SMAP2: variants seen among roughly 807,000 people sequenced by gnomAD.
SMAP2 encodes small ArfGAP2.
A neutral mutation model predicts 56.4 loss-of-function variants in SMAP2; 25 were observed. That is an observed-to-expected ratio of 0.44 (90% CI 0.32 to 0.62). The LOEUF is 0.62. Ranked by LOEUF, SMAP2 falls within the 20% of genes least tolerant of loss-of-function variation. The pLI is 0.04. For synonymous variants in SMAP2, 157 were observed against 181.7 expected (o/e 0.86, Z 1.09); for missense variants, 388 against 545.6 (o/e 0.71, Z 2.88).
intron 1 of SMAP2, chr1:40,375,828 C>CT: frequency 7.8e-6 from 1 of 129,010 alleles, no homozygotes. Flanking sequence ...TGACTAGAAC[C>CT]CCCCCCCCCA....
upstream of SMAP2, among the ~76,000 whole-genome samples, chr1:40,372,885 A>G (rs1348317417): frequency 1.3e-5 from 2 of 152,318 alleles, no homozygotes; most frequent in Admixed American, 6.5e-5. Flanking sequence ...CAGTGAATGA[A>G]TGAATGAATG....
At chr1:40,395,794 G>A (rs1421464489) in intron 1 of SMAP2, among the ~76,000 whole-genome samples, 1 of 152,270 alleles carries the variant, frequency 6.6e-6, no homozygotes, top group East Asian at 1.9e-4. Context: ...CTTTCTCCTA[G>A]TAGACCTCAG....
At chr1:40,417,213 A>G (rs375392145) in intron 9 of SMAP2, 117 bp downstream of exon 9, 1 of 685,774 alleles carries the variant, frequency 1.5e-6, no homozygotes, top group Non-Finnish European at 2.3e-6. Context: ...AATGTAAGAG[A>G]CATTGTTAGG....
At position 40,399,702 on chromosome 1, in the gene SMAP2, A is replaced by C. The variant is rs1480783607; in HGVS notation, c.104-7034A>C. Among the ~76,000 whole-genome samples the C allele has an allele frequency of 5.2e-4, 7 of 13,518 alleles. No individual in the cohort carries two copies. The South Asian group carries it at 0.011, about 21-fold the overall frequency. The allele number at this position is 13,518 out of a possible 152,430, so 8.9% of individuals were successfully genotyped here. A position where few individuals can be genotyped will look rare whatever the true frequency, so the allele number is the denominator to read the frequency against. ...GGGTGAGAGAGTAAGACCCTGTCTC[A>C]AAAAAAAAAAAAGAAAAGAAAAGAA... On this transcript the variant is annotated intron_variant, in intron 1 of 9. Coordinates refer to ENST00000372718, the MANE Select transcript of SMAP2 (RefSeq NM_022733.3).
intron 1 of SMAP2, among the ~76,000 whole-genome samples, chr1:40,381,460 T>G (rs989458863): frequency 2.0e-5 from 3 of 152,244 alleles, no homozygotes; most frequent in Admixed American, 6.5e-5. Flanking sequence ...AGGATAAGTA[T>G]GACTTTGCCA....
At position 40,414,207 on chromosome 1, in the gene SMAP2, T is replaced by C. The variant is rs1569918469; in HGVS notation, c.538T>C (p.Ser180Pro). 3 of 1,614,170 alleles carry C rather than the reference T, an allele frequency of 1.9e-6. No individual in the cohort carries two copies. Among genetic ancestry groups the C allele is most frequent in the Middle Eastern group, 1.7e-4 (1 of 6,060 alleles). ...PQLPRKSSPK[S>P]TAPVMDLLGL... Reference sequence around the variant, plus strand: ...GCTACCTCGGAAAAGCTCCCCGAAATCCACAGCGCCTGTCATGGATTTGTT... The same window carrying C: ...GCTACCTCGGAAAAGCTCCCCGAAACCCACAGCGCCTGTCATGGATTTGTT... The change falls in exon 6 of 10, where the codon TCC (serine) becomes CCC (proline). Residue 180 changes from serine to proline, a missense_variant. Ser to Pro is a moderately conservative substitution (Grantham distance 74, BLOSUM62 -1). Transcript: ENST00000372718.
chr1:40,421,651 G>A (rs1362266165), intron 9 of SMAP2, among the ~76,000 whole-genome samples: 1 of 152,112 alleles, frequency 6.6e-6, no homozygotes, highest in African/African-American at 2.4e-5. Flanking sequence ...GTTAACAATA[G>A]GCCCCTTCTA....
chr1:40,349,687 T>G (rs1644402568), intron 1 of SMAP2, among the ~76,000 whole-genome samples: 1 of 151,952 alleles, frequency 6.6e-6, no homozygotes, highest in South Asian at 2.1e-4. Flanking sequence ...TCCAGCTAAT[T>G]TTTTTGTATT....
chr1:40,389,229 T>C (rs2124266853), intron 1 of SMAP2, among the ~76,000 whole-genome samples: 1 of 152,344 alleles, frequency 6.6e-6, no homozygotes, highest in Middle Eastern at 3.4e-3. Flanking sequence ...ACAGTCCTCA[T>C]TCACTTAAAC....
intron 1 of SMAP2, among the ~76,000 whole-genome samples, chr1:40,350,977 A>G (rs1408217930): frequency 6.6e-6 from 1 of 152,138 alleles, no homozygotes; most frequent in Non-Finnish European, 1.5e-5. Flanking sequence ...CAGAGTGGAG[A>G]CTCTGAAGAC....
At chr1:40,356,631 C>T (rs772210945) in intron 1 of SMAP2, among the ~76,000 whole-genome samples, 17 of 152,112 alleles carry the variant, frequency 1.1e-4, no homozygotes, top group South Asian at 2.1e-4. Flanking sequence ...AGGATGGTTT[C>T]GATCTCCTAA....
At chr1:40,357,237 C>T (rs184407597) in intron 1 of SMAP2, among the ~76,000 whole-genome samples, 74 of 151,836 alleles carry the variant, frequency 4.9e-4, no homozygotes, top group African/African-American at 1.7e-3. Context: ...TTTGGATCAC[C>T]TGAGGTCAGG....
chr1:40,388,106 C>T (rs1440524842), intron 1 of SMAP2, among the ~76,000 whole-genome samples: 1 of 152,206 alleles, frequency 6.6e-6, no homozygotes, highest in Non-Finnish European at 1.5e-5. Flanking sequence ...GGGCTCGGGA[C>T]CTGCAGCCCG....
At chr1:40,420,141 A>G (rs753458293) in intron 9 of SMAP2, among the ~76,000 whole-genome samples, 1 of 152,164 alleles carries the variant, frequency 6.6e-6, no homozygotes, top group Non-Finnish European at 1.5e-5. Flanking sequence ...TTTTTTTCAA[A>G]GAACCAGGAT....
intron 1 of SMAP2, among the ~76,000 whole-genome samples, chr1:40,360,921 C>T (rs1305289208): frequency 6.6e-6 from 1 of 152,216 alleles, no homozygotes; most frequent in Non-Finnish European, 1.5e-5. Flanking sequence ...CAGTCAAGGC[C>T]ATGAGGACTG....
intron 5 of SMAP2, among the ~76,000 whole-genome samples, chr1:40,413,303 C>T (rs59679878): frequency 0.02 from 3,020 of 152,202 alleles, 92 homozygotes; most frequent in African/African-American, 0.069. Flanking sequence ...GTAAGGGCTT[C>T]GCTTTGGGGC....
chr1:40,352,331 G>T (rs1347148656), intron 1 of SMAP2, among the ~76,000 whole-genome samples: 1 of 151,912 alleles, frequency 6.6e-6, no homozygotes, highest in Admixed American at 6.6e-5. Flanking sequence ...CCTAATGCTT[G>T]CCACATGTAA....
At chr1:40,414,790 A>C (rs572348693) in intron 6 of SMAP2, among the ~76,000 whole-genome samples, 1 of 152,256 alleles carries the variant, frequency 6.6e-6, no homozygotes, top group South Asian at 2.1e-4. Context: ...ATTTTTCTCC[A>C]AACCTTTGAA....
In SMAP2 at chr1:40,374,736, G is replaced by A; in HGVS notation, c.103+513G>A. ...GGTGATTTTTGCTTCCTGCTATTTG[G>A]TTAGCAACTCCTGTCATTTTGCAGC... On this transcript the variant is annotated intron_variant, in intron 1 of 9. Transcript: ENST00000372718. The surrounding 1 kb of genome is among the most constrained non-coding windows in gnomAD (Gnocchi z 5.9). The A allele has an allele frequency of 6.4e-7, 1 of 1,550,490 alleles. No individual in the cohort carries two copies. Among genetic ancestry groups the A allele is most frequent in the Non-Finnish European group, 8.7e-7 (1 of 1,146,978 alleles).
Sources: gnomAD v4.1 joint callset for allele counts (sites outside exome capture counted in the v4.1 genomes callset) on GRCh38, gnomAD v4.1.1 for gene constraint, Gnocchi (gnomAD v3.1) non-coding constraint, MANE v1.5 for transcripts, NCBI Gene and HGNC (gene_info 2026-07-23, HGNC 2026-07-21) for gene names.